Variants in EDA observed in about 807,000 individuals in gnomAD.
EDA encodes the protein ectodysplasin-A.
In EDA, 2 loss-of-function variants were observed where a neutral mutation model predicts 23.6. That is an observed-to-expected ratio of 0.08 (90% CI 0.03 to 0.27). EDA has a LOEUF of 0.27. Ranked by LOEUF, EDA falls within the 10% of genes least tolerant of loss-of-function variation. EDA has a pLI of 1.00. For missense variants in EDA, 229 were observed against 324.2 expected (o/e 0.71, Z 2.26); for synonymous variants, 131 against 132.0 (o/e 0.99, Z 0.05).
chrX:69,757,211 G>A (rs1335557433), intron 1 of EDA, among the ~76,000 whole-genome samples: 1 of 111,184 alleles, frequency 9.0e-6, no homozygotes, highest in Non-Finnish European at 1.9e-5. Context: ...TGTATCCCAT[G>A]AGAAAGTCCT....
intron 1 of EDA, among the ~76,000 whole-genome samples, chrX:69,672,193 T>C (rs1933919971): frequency 9.0e-6 from 1 of 111,630 alleles, no homozygotes; most frequent in African/African-American, 3.3e-5. Context: ...AATGTAAGTT[T>C]TAGAGTTGTG....
chrX:69,666,228 A>G (rs1933677032), intron 1 of EDA, among the ~76,000 whole-genome samples: 1 of 112,320 alleles, frequency 8.9e-6, no homozygotes, highest in South Asian at 3.6e-4. Flanking sequence ...ATATAAGATC[A>G]TCTCATCTGC....
At chrX:70,035,336 C>T (rs2020250628) in intron 7 of EDA, 22 bp from the exon 8 acceptor site, 1 of 1,203,873 alleles carries the variant, frequency 8.3e-7, no homozygotes. Flanking sequence ...TCCCCAATCC[C>T]TTCTTGTTGC....
intron 1 of EDA, among the ~76,000 whole-genome samples, chrX:69,742,337 A>T (rs145519577): frequency 0.014 from 1,544 of 111,280 alleles, 20 homozygotes; most frequent in African/African-American, 0.046. Context: ...AGGGAGATGG[A>T]ACTCTGTGTT....
In EDA at chrX:69,917,236, G is replaced by A. The variant is rs947052097; in HGVS notation, c.397-39791G>A. 1.2e-4 allele frequency among the ~76,000 whole-genome samples: 13 copies of A among 111,164 alleles called. No homozygotes were observed. The South Asian group carries it at 1.5e-3, about 13-fold the overall frequency. The stretch of plus-strand genomic sequence containing the variant: ...CAGGCATGAGCCACCATGCCCGGCC[G>A]CTCATTTTTGTTTGTAAGCAATCTG... On this transcript the variant is annotated intron_variant, in intron 1 of 7. Coordinates refer to ENST00000374552, the MANE Select transcript of EDA (RefSeq NM_001399.5).
intron 2 of EDA, among the ~76,000 whole-genome samples, chrX:69,982,706 T>C (rs1393948083): frequency 9.9e-6 from 1 of 101,181 alleles, no homozygotes; most frequent in African/African-American, 3.5e-5. Flanking sequence ...ATAGGTGTGG[T>C]GTGGTGCTGA....
chrX:69,992,225 G>A (rs2019598221), intron 2 of EDA, among the ~76,000 whole-genome samples: 1 of 112,131 alleles, frequency 8.9e-6, no homozygotes, highest in Non-Finnish European at 1.9e-5. Context: ...TTCTCAAGTT[G>A]TGATGTCCCT....
intron 2 of EDA, among the ~76,000 whole-genome samples, chrX:69,966,173 G>C (rs1301849673): frequency 8.9e-6 from 1 of 112,255 alleles, no homozygotes; most frequent in Non-Finnish European, 1.9e-5. Context: ...CTCATATATT[G>C]CTGGAAAGAA....
At chrX:69,851,600 G>C (rs968177558) in intron 1 of EDA, among the ~76,000 whole-genome samples, 8 of 112,358 alleles carry the variant, frequency 7.1e-5, no homozygotes, top group African/African-American at 2.6e-4. Flanking sequence ...AAAATCCTCA[G>C]TAGATATACA....
At position 69,731,515 on chromosome X, in the gene EDA, C is replaced by T. The variant is rs775685976; in HGVS notation, c.396+114811C>T. 2.4e-4 allele frequency among the ~76,000 whole-genome samples: 26 copies of T among 109,598 alleles called. No homozygotes were observed. In the South Asian group the frequency reaches 0.01, roughly 42 times the overall value. ...GGAGTACAGTAGCGTGATCTCGGCT[C>T]ACTGCAACCTCCGCCTCCCGGGTTC... On this transcript the variant is annotated intron_variant, in intron 1 of 7. Coordinates refer to ENST00000374552, the MANE Select transcript of EDA (RefSeq NM_001399.5).
intron 2 of EDA, among the ~76,000 whole-genome samples, chrX:69,973,502 A>G (rs1331117905): frequency 9.0e-6 from 1 of 111,505 alleles, no homozygotes; most frequent in Non-Finnish European, 1.9e-5. Flanking sequence ...GGCCTTCACA[A>G]GCAGCTCCAC....
At chrX:69,761,128 T>G (rs906047285) in intron 1 of EDA, among the ~76,000 whole-genome samples, 4 of 110,689 alleles carry the variant, frequency 3.6e-5, no homozygotes, top group African/African-American at 1.3e-4. Context: ...GAAGAAAAGC[T>G]ATAAGAGAGG....
intron 1 of EDA, chrX:69,670,060 T>A (rs903161415): frequency 9.9e-6 from 3 of 303,192 alleles, no homozygotes; most frequent in Non-Finnish European, 1.1e-5. Context: ...AGAACTTCCT[T>A]AAGCATTTCT....
chrX:69,728,311 G>A (rs1054926784), intron 1 of EDA, among the ~76,000 whole-genome samples: 1 of 111,093 alleles, frequency 9.0e-6, no homozygotes, highest in African/African-American at 3.3e-5. Context: ...ATATGGTAAG[G>A]TGAATGTTGT....
Position 70,035,559 on chromosome X carries a change from C to G in EDA, c.1126C>G (p.His376Asp). 8.3e-7 allele frequency: 1 copy of G among 1,208,828 alleles called. No individual in the cohort carries two copies. Among genetic ancestry groups the G allele is most frequent in the Non-Finnish European group, 1.1e-6 (1 of 894,857 alleles). ...HADISINMSK[H>D]TTFFGAIRLG... ...TGACATCTCCATCAACATGAGCAAG[C>G]ACACCACGTTCTTTGGGGCCATCAG... The change falls in exon 8 of 8, where the codon CAC (histidine) becomes GAC (aspartate). Residue 376 changes from histidine (H) to aspartate (D), a missense_variant. His to Asp is a moderately conservative substitution (Grantham distance 81, BLOSUM62 -1). Around this residue, in one of 2 missense-constraint regions of EDA, gnomAD observed 175 missense variants for 281.8 expected, o/e 0.62. Coordinates refer to ENST00000374552, the MANE Select transcript of EDA (RefSeq NM_001399.5).
At chrX:69,847,664 G>A (rs180699849) in intron 1 of EDA, among the ~76,000 whole-genome samples, 140 of 111,467 alleles carry the variant, frequency 1.3e-3, no homozygotes, top group Middle Eastern at 4.7e-3. Flanking sequence ...GTTGTATTCC[G>A]TTGTTTGAAT....
At chrX:69,882,927 C>T (rs2017771693) in intron 1 of EDA, among the ~76,000 whole-genome samples, 1 of 111,684 alleles carries the variant, frequency 9.0e-6, no homozygotes, top group Admixed American at 9.4e-5. Context: ...GTCTCGAACT[C>T]CCAACCTCAG....
At chrX:70,029,898 C>T (rs1218282481) in intron 5 of EDA, among the ~76,000 whole-genome samples, 3 of 112,382 alleles carry the variant, frequency 2.7e-5, no homozygotes, top group Admixed American at 9.4e-5. Flanking sequence ...CTCAGACCAC[C>T]TGGGATCCGG....
chrX:69,731,455 T>G (rs912297457), intron 1 of EDA, among the ~76,000 whole-genome samples: 1 of 111,165 alleles, frequency 9.0e-6, no homozygotes, highest in Non-Finnish European at 1.9e-5. Context: ...TTTTTTCTTT[T>G]TTTTGAGATG....
Sources: gnomAD v4.1 joint callset for allele counts (sites outside exome capture counted in the v4.1 genomes callset) on GRCh38, gnomAD v4.1.1 for gene constraint, gnomAD v4.1.1 regional missense constraint, MANE v1.5 for transcripts, NCBI Gene and HGNC (gene_info 2026-07-23, HGNC 2026-07-21) for gene names.